MRC1: variants seen among roughly 807,000 people sequenced by gnomAD.
MRC1 encodes macrophage mannose receptor 1.
A neutral mutation model predicts 102.9 loss-of-function variants in MRC1; 62 were observed. The ratio of observed to expected loss-of-function variants is 0.60; its 90% CI spans 0.49 to 0.74. The LOEUF (loss-of-function observed/expected upper bound fraction) is 0.74, where lower values mean the gene tolerates loss of function less well. Ranked by LOEUF, MRC1 falls within the 30% of genes least tolerant of loss-of-function variation. The pLI is 0.00. For missense variants in MRC1, 1,237 were observed against 862.8 expected, an observed-to-expected ratio of 1.43 and a Z score of -5.43; for synonymous variants, 457 against 298.4, an observed-to-expected ratio of 1.53 and a Z score of -5.48.
At chr10:17,892,140 T>C (rs1833688008) in intron 22 of MRC1, among the ~76,000 whole-genome samples, 1 of 152,184 alleles carries the variant, frequency 6.6e-6, no homozygotes, top group Admixed American at 6.5e-5. Flanking sequence ...ACAGAATGAA[T>C]GCTCTGTCGT....
chr10:17,852,916 C>G, intron 7 of MRC1, 51 bp from the exon 8 acceptor site: 1 of 780,632 alleles, frequency 1.3e-6, no homozygotes, highest in Non-Finnish European at 2.4e-6. Flanking sequence ...TACCCCCCGA[C>G]CTTTGGAAAG....
intron 3 of MRC1, 91 bp from the exon 4 acceptor site, chr10:17,833,584 C>G: frequency 6.7e-6 from 5 of 747,626 alleles, no homozygotes; most frequent in African/African-American, 1.8e-5. Flanking sequence ...GTGCTTCAGG[C>G]AAAAATGCTC....
intron 10 of MRC1, among the ~76,000 whole-genome samples, chr10:17,861,888 C>T (rs1833189488): frequency 6.6e-6 from 1 of 152,194 alleles, no homozygotes; most frequent in Non-Finnish European, 1.5e-5. Context: ...AAGAAGTTTA[C>T]TGAATAATTC....
chr10:17,825,431 G>A (rs879129272), intron 2 of MRC1, among the ~76,000 whole-genome samples: 13,826 of 152,134 alleles, frequency 0.091, 1,201 homozygotes, highest in African/African-American at 0.23. Flanking sequence ...TGGCTCAGTA[G>A]TTATTAAACA....
At chr10:17,903,131 C>T (rs924626852) in intron 26 of MRC1, among the ~76,000 whole-genome samples, 2 of 152,016 alleles carry the variant, frequency 1.3e-5, no homozygotes, top group Non-Finnish European at 1.5e-5. Context: ...GAATCTCAAG[C>T]GTCTTTTTTA....
intron 11 of MRC1, among the ~76,000 whole-genome samples, chr10:17,866,010 CATTTT>C (rs1293471072): frequency 6.6e-6 from 1 of 152,200 alleles, no homozygotes; most frequent in Non-Finnish European, 1.5e-5. Context: ...AGTGCATCCT[CATTTT>C]ATTTTATGTA....
Position 17,894,217 on chromosome 10 carries a change from G to A in MRC1, c.3155G>A (p.Cys1052Tyr). The A allele has an allele frequency of 1.1e-6, 1 of 872,550 alleles. No individual in the cohort carries two copies. The allele number at this position is 872,550 out of a possible 1,614,324, so 54.1% of individuals were successfully genotyped here. Residue 1052 changes from cysteine (C) to tyrosine (Y), a missense_variant, in exon 23 of 30, where the codon TGT (cysteine) becomes TAT (tyrosine). Physicochemically the swap from Cys to Tyr is radical, Grantham distance 194 (BLOSUM62 -2). Transcript: ENST00000569591. The stretch of plus-strand genomic sequence containing the variant: ...TTCTCCATAAATATACAGGCTGACT[G>A]TGTTGTTATTATTGGAGGTGCATCA... ...RSSLSYEDAD[C>Y]VVIIGGASNE...
chr10:17,894,442 C>T (rs1210932586), intron 23 of MRC1, 130 bp downstream of exon 23: 1 of 657,598 alleles, frequency 1.5e-6, no homozygotes, highest in Non-Finnish European at 2.7e-6. Flanking sequence ...CTCTGTCGCC[C>T]AGGCTGAAGT....
Position 17,831,240 on chromosome 10 carries a change from G to A in MRC1, c.638-2435G>A, listed in dbSNP as rs953388981. ...AAACCTTCCTCCAGTTGTCTAAAAC[G>A]AGTTGTTTAAAACATCTCTATCTTC... is the stretch of plus-strand genomic sequence containing the variant. On this transcript the variant is annotated intron_variant, in intron 3 of 29. Coordinates refer to ENST00000569591, the MANE Select transcript of MRC1 (RefSeq NM_002438.4). 2.9e-3 allele frequency among the ~76,000 whole-genome samples: 436 copies of A among 151,034 alleles called. 3 individuals are homozygous for A. The highest frequency in any genetic ancestry group is 7.1e-3 in the South Asian group (34 of 4,816).
chr10:17,839,785 A>T (rs1019297800), intron 4 of MRC1, among the ~76,000 whole-genome samples: 1 of 152,080 alleles, frequency 6.6e-6, no homozygotes, highest in Non-Finnish European at 1.5e-5. Context: ...GTGGCAGGGT[A>T]TGGTGGCTCA....
In MRC1 at chr10:17,870,731, C is replaced by T. The variant is rs957537344; in HGVS notation, c.2112-117C>T. 17 of 785,812 alleles carry T rather than the reference C, an allele frequency of 2.2e-5. No homozygotes were observed. In the East Asian group the frequency reaches 3.9e-4, roughly 18 times the overall value. 48.7% of individuals were successfully genotyped at this position (785,812 alleles called of 1,614,324 possible). A position where few individuals can be genotyped will look rare whatever the true frequency, so the allele number is the denominator to read the frequency against. ...TCTATTTAGCTGTTAAATCTCTTTACTTGTGTACTATTAATTTACGTTTTG... is the reference window on the plus strand; with the variant it reads ...TCTATTTAGCTGTTAAATCTCTTTATTTGTGTACTATTAATTTACGTTTTG... On this transcript the variant is annotated intron_variant, in intron 13 of 29. Coordinates refer to ENST00000569591, the MANE Select transcript of MRC1 (RefSeq NM_002438.4).
At chr10:17,898,823 A>G (rs912973062) in intron 24 of MRC1, among the ~76,000 whole-genome samples, 1 of 152,190 alleles carries the variant, frequency 6.6e-6, no homozygotes, top group East Asian at 1.9e-4. Context: ...AGAGTTGCCA[A>G]ATTATTCCTA....
At chr10:17,823,980 G>C (rs2130592928) in intron 2 of MRC1, among the ~76,000 whole-genome samples, 1 of 152,244 alleles carries the variant, frequency 6.6e-6, no homozygotes, top group Non-Finnish European at 1.5e-5. Context: ...TATTTTGTCA[G>C]GTTATGGGTA....
In MRC1 at chr10:17,885,280, T is replaced by A; in HGVS notation, c.2992T>A (p.Tyr998Asn). 1 of 780,900 alleles carries A rather than the reference T, an allele frequency of 1.3e-6. No homozygotes were observed. The allele number at this position is 780,900 out of a possible 1,614,324, so 48.4% of individuals were successfully genotyped here. Residue 998 changes from tyrosine to asparagine, a missense_variant, in exon 22 of 30, where the codon TAT becomes AAT. By Grantham distance (143) the Tyr-to-Asn change is moderately radical (BLOSUM62 -2). Coordinates refer to ENST00000569591, the MANE Select transcript of MRC1 (RefSeq NM_002438.4). ...QNEKEQAFLT[Y>N]HMKDSTFSAW... ...AAATTTTCTTTCAGCATTTCTTACC[T>A]ATCACATGAAGGACTCCACTTTCAG...
At chr10:17,895,621 T>A (rs1163157761) in intron 23 of MRC1, among the ~76,000 whole-genome samples, 1 of 152,216 alleles carries the variant, frequency 6.6e-6, no homozygotes, top group African/African-American at 2.4e-5. Flanking sequence ...AGAATATGGT[T>A]AAATGAAAAC....
rs912078501 is a variant in MRC1 at position 17,829,403 on chromosome 10, C to G, written c.637+1688C>G. ...CCCCATATACTATTGTAATTGTCTTCAGAGTGCAGTCTCTCCAATCCGAAT... is the reference window on the plus strand; with the variant it reads ...CCCCATATACTATTGTAATTGTCTTGAGAGTGCAGTCTCTCCAATCCGAAT... On this transcript the variant is annotated intron_variant, in intron 3 of 29. Coordinates refer to ENST00000569591, the MANE Select transcript of MRC1 (RefSeq NM_002438.4). 1.2e-3 allele frequency among the ~76,000 whole-genome samples: 178 copies of G among 151,498 alleles called. 5 individuals are homozygous for G. Among genetic ancestry groups the G allele is most frequent in the African/African-American group, 4.2e-3 (171 of 40,786 alleles).
At chr10:17,853,236 G>A in intron 8 of MRC1, 112 bp downstream of exon 8, 5 of 736,470 alleles carry the variant, frequency 6.8e-6, no homozygotes, top group South Asian at 4.6e-5. Context: ...ACATAAATTG[G>A]CATGGATCAA....
intron 6 of MRC1, among the ~76,000 whole-genome samples, 182 bp downstream of exon 6, chr10:17,845,617 C>A (rs980078711): frequency 6.6e-6 from 1 of 152,062 alleles, no homozygotes; most frequent in African/African-American, 2.4e-5. Flanking sequence ...GAGTGTGCGG[C>A]GGTGTCTGGG....
intron 6 of MRC1, 34 bp from the exon 7 acceptor site, chr10:17,849,544 TA>T: frequency 1.4e-6 from 1 of 705,074 alleles, no homozygotes; most frequent in South Asian, 1.4e-5. Context: ...TCAAATCTTT[TA>T]AAATTTTTTT....
Sources: gnomAD v4.1 joint callset for allele counts (sites outside exome capture counted in the v4.1 genomes callset) on GRCh38, gnomAD v4.1.1 for gene constraint, MANE v1.5 for transcripts, NCBI Gene and HGNC (gene_info 2026-07-23, HGNC 2026-07-21) for gene names.